The following ZNF618 variants were observed in gnomAD, a reference collection of about 807,000 sequenced individuals.
The protein encoded by ZNF618 is neural precursor cell expressed, developmentally down-regulated 10.
A neutral mutation model predicts 103.0 loss-of-function variants in ZNF618; 34 were observed. The ratio of observed to expected loss-of-function variants is 0.33; its 90% confidence interval spans 0.25 to 0.44. The LOEUF (loss-of-function observed/expected upper bound fraction) is 0.44. Ranked by LOEUF, ZNF618 falls within the 20% of genes least tolerant of loss-of-function variation. The pLI is 1.00. For missense variants in ZNF618, 1,059 were observed against 1,295.4 expected (o/e 0.82, Z 2.80); for synonymous variants, 551 against 542.2 (o/e 1.02, Z -0.23).
intron 1 of ZNF618, among the ~76,000 whole-genome samples, chr9:113,888,109 G>C (rs2130946517): frequency 6.6e-6 from 1 of 152,280 alleles, no homozygotes; most frequent in East Asian, 1.9e-4. Flanking sequence ...TACACAGCTG[G>C]TAAGTGGCAG....
chr9:113,915,766 T>TAGAC (rs1832014662), intron 1 of ZNF618, among the ~76,000 whole-genome samples: 1 of 151,854 alleles, frequency 6.6e-6, no homozygotes. Context: ...GATGGACAGA[T>TAGAC]AGACAGACAG....
chr9:114,041,815 C>A (rs933316063), intron 13 of ZNF618, among the ~76,000 whole-genome samples: 1 of 152,108 alleles, frequency 6.6e-6, no homozygotes, highest in Non-Finnish European at 1.5e-5. Context: ...AATGCGGGCT[C>A]TTTTTTGGTT....
intron 3 of ZNF618, among the ~76,000 whole-genome samples, chr9:113,997,716 A>G (rs1840755441): frequency 6.6e-6 from 1 of 152,192 alleles, no homozygotes; most frequent in African/African-American, 2.4e-5. Flanking sequence ...AACATTGCAG[A>G]TGAAGTGAGC....
chr9:113,913,128 T>G (rs1336780640), intron 1 of ZNF618, among the ~76,000 whole-genome samples: 1 of 152,138 alleles, frequency 6.6e-6, no homozygotes, highest in African/African-American at 2.4e-5. Context: ...CGCTGCCACG[T>G]GTAAGAGCTG....
intron 9 of ZNF618, among the ~76,000 whole-genome samples, chr9:114,011,403 G>A (rs559972226): frequency 5.3e-5 from 8 of 152,338 alleles, no homozygotes; most frequent in African/African-American, 1.7e-4. Context: ...GGACCTGGGA[G>A]GAATTAATCA....
intron 1 of ZNF618, among the ~76,000 whole-genome samples, chr9:113,893,470 C>T (rs1829783246): frequency 1.3e-5 from 2 of 151,936 alleles, no homozygotes; most frequent in Admixed American, 6.6e-5. Context: ...AAATGTCAAC[C>T]CTCTTACATT....
chr9:113,887,965 T>C lies in ZNF618; in HGVS notation c.33+11552T>C, dbSNP rs373001352. On this transcript the variant is annotated intron_variant, in intron 1 of 14. Transcript: ENST00000374126. ...TCATTGCACATTTGCTGAGTGCTTA[T>C]TATATGACTGGCCTTGGACTAAGCA... Among the ~76,000 whole-genome samples the C allele has an allele frequency of 1.1e-4, 16 of 152,358 alleles. 1 individual carries two copies. Among genetic ancestry groups the C allele is most frequent in the African/African-American group, 3.8e-4 (16 of 41,584 alleles).
At chr9:113,971,584 CCCT>C (rs1032418807) in intron 2 of ZNF618, among the ~76,000 whole-genome samples, 1 of 152,178 alleles carries the variant, frequency 6.6e-6, no homozygotes, top group African/African-American at 2.4e-5. Flanking sequence ...CACCACCCAC[CCCT>C]CGTCAGTCCT....
At position 113,992,182 on chromosome 9, in the gene ZNF618, G is replaced by A. The variant is rs539928616; in HGVS notation, c.337+3602G>A. Reference sequence around the variant, plus strand: ...TCTCTGTTGAGGATTCTAAAGGGTGGCATGATTGATTGTTGGTGTCTGCCC... The same window carrying A: ...TCTCTGTTGAGGATTCTAAAGGGTGACATGATTGATTGTTGGTGTCTGCCC... On this transcript the variant is annotated intron_variant, in intron 3 of 14. Transcript: ENST00000374126. 3.9e-5 allele frequency among the ~76,000 whole-genome samples: 6 copies of A among 152,290 alleles called. No individual in the cohort carries two copies. In the South Asian group the frequency reaches 1.2e-3, roughly 32 times the overall value.
chr9:114,050,203 A>G lies in ZNF618; in HGVS notation c.*36A>G. Reference sequence around the variant, plus strand: ...CGGGGGAAAAAAAAAGAAAAAGAGAAGATAACATTAGAAAAAAACCACACA... The same window carrying G: ...CGGGGGAAAAAAAAAGAAAAAGAGAGGATAACATTAGAAAAAAACCACACA... On this transcript the variant is annotated 3_prime_UTR_variant, in exon 15 of 15. Transcript: ENST00000374126. 1 of 1,508,872 alleles carries G rather than the reference A, an allele frequency of 6.6e-7. No homozygotes were observed. Among genetic ancestry groups the G allele is most frequent in the Non-Finnish European group, 8.8e-7 (1 of 1,137,480 alleles). The allele number at this position is 1,508,872 out of a possible 1,614,324, so 93.5% of individuals were successfully genotyped here.
Position 113,988,200 on chromosome 9 carries a change from G to A in ZNF618, c.78-121G>A, listed in dbSNP as rs377765099. ...GGGGGTTGTGTGGGAGGCTAAGGGGGCCGGGGGCCCTAGAATTCACTATGC... is the reference window on the plus strand; with the variant it reads ...GGGGGTTGTGTGGGAGGCTAAGGGGACCGGGGGCCCTAGAATTCACTATGC... On this transcript the variant is annotated intron_variant, in intron 2 of 14. Coordinates refer to ENST00000374126, the MANE Select transcript of ZNF618 (RefSeq NM_001318042.2). 388 of 1,351,878 alleles carry A rather than the reference G, an allele frequency of 2.9e-4. 2 individuals are homozygous for A. The East Asian group carries it at 9.5e-3, about 33-fold the overall frequency. 83.7% of individuals were successfully genotyped at this position (1,351,878 alleles called of 1,614,324 possible). A position where few individuals can be genotyped will look rare whatever the true frequency, so the allele number is the denominator to read the frequency against.
intron 2 of ZNF618, among the ~76,000 whole-genome samples, chr9:113,974,016 G>A (rs1168431930): frequency 6.6e-6 from 1 of 152,224 alleles, no homozygotes; most frequent in East Asian, 1.9e-4. Context: ...TGCCTGCTAA[G>A]TGCTTGGCAC....
chr9:113,909,929 C>T (rs966235317), intron 1 of ZNF618, among the ~76,000 whole-genome samples: 3 of 151,978 alleles, frequency 2.0e-5, no homozygotes, highest in East Asian at 1.9e-4. Flanking sequence ...GGATTATAGG[C>T]GTGTGTTACT....
rs1033576810 is a variant in ZNF618, at chr9:114,001,860, G to C, written c.434-136G>C. On this transcript the variant is annotated intron_variant, in intron 4 of 14. Coordinates refer to ENST00000374126, the MANE Select transcript of ZNF618 (RefSeq NM_001318042.2). ...CCCAGGCCTCGTGACTTCTAGCTCG[G>C]TGCTGCCTCCTTGCCAGGGACCATC... is the stretch of plus-strand genomic sequence containing the variant. The C allele has an allele frequency of 2.1e-5, 16 of 770,944 alleles. No individual in the cohort carries two copies. In the African/African-American group the frequency reaches 2.4e-4, roughly 11 times the overall value. The allele number at this position is 770,944 out of a possible 1,614,324, so 47.8% of individuals were successfully genotyped here.
chr9:113,989,475 G>A (rs990903653), intron 3 of ZNF618, among the ~76,000 whole-genome samples: 3 of 152,254 alleles, frequency 2.0e-5, no homozygotes, highest in African/African-American at 4.8e-5. Context: ...GCACAAGTTT[G>A]CAACCCCTGG....
chr9:114,022,653 G>T (rs1185359078), intron 10 of ZNF618, among the ~76,000 whole-genome samples: 1 of 144,348 alleles, frequency 6.9e-6, no homozygotes, highest in Admixed American at 6.9e-5. Context: ...GGCCAAGTTG[G>T]TTGATAATGC....
At chr9:113,979,555 G>T (rs564992504) in intron 2 of ZNF618, among the ~76,000 whole-genome samples, 1 of 152,240 alleles carries the variant, frequency 6.6e-6, no homozygotes, top group Non-Finnish European at 1.5e-5. Context: ...TGAATATTCA[G>T]TGAAGCAGGA....
chr9:113,891,735 A>G (rs1001133834), intron 1 of ZNF618, among the ~76,000 whole-genome samples: 1 of 152,224 alleles, frequency 6.6e-6, no homozygotes, highest in Non-Finnish European at 1.5e-5. Context: ...GAATGGATAA[A>G]CAAAATATGA....
In ZNF618 at chr9:113,998,266, A is replaced by G. The variant is rs1840821600; in HGVS notation, c.345A>G (p.Lys115=). Residue 115 remains lysine (K), a synonymous_variant, in exon 4 of 15, where the codon AAA becomes AAG. Coordinates refer to ENST00000374126, the MANE Select transcript of ZNF618 (RefSeq NM_001318042.2). ...ATTTCTTACGTAATTCAGATGGAAA[A>G]GCGCCCGAAGGCAGCCCCCACGGTG... ...GVRNQQTLDG[K]APEGSPHGGS... 6.4e-7 allele frequency: 1 copy of G among 1,550,470 alleles called. No homozygotes were observed. The highest frequency in any genetic ancestry group is 2.0e-5 in the Admixed American group (1 of 50,986).
Sources: gnomAD v4.1 joint callset for allele counts (sites outside exome capture counted in the v4.1 genomes callset) on GRCh38, gnomAD v4.1.1 for gene constraint, MANE v1.5 for transcripts, NCBI Gene and HGNC (gene_info 2026-07-23, HGNC 2026-07-21) for gene names.